MIPEP: variants seen among roughly 807,000 people sequenced by gnomAD.
MIPEP encodes the protein mitochondrial intermediate peptidase.
MIPEP carries 79 observed loss-of-function variants against 90.3 expected under a neutral mutation model. The observed-to-expected ratio is 0.87, with a 90% CI of 0.73 to 1.05. The LOEUF (loss-of-function observed/expected upper bound fraction) is 1.05, where lower values mean the gene tolerates loss of function less well. Ranked by LOEUF, MIPEP falls within the 50% of genes least tolerant of loss-of-function variation. The probability of loss-of-function intolerance (pLI) is 0.00; values close to 1 mark genes in which losing one functional copy is unlikely to be tolerated. For synonymous variants in MIPEP, 334 were observed against 315.8 expected (o/e 1.06, Z -0.61); for missense variants, 940 against 905.6 (o/e 1.04, Z -0.49).
intron 16 of MIPEP, among the ~76,000 whole-genome samples, chr13:23,764,890 T>C (rs866962677): frequency 4.6e-5 from 7 of 152,374 alleles, no homozygotes; most frequent in Middle Eastern, 3.4e-3. Flanking sequence ...CATTTCTTCA[T>C]GTCCAGCTAT....
chr13:23,872,329 C>G (rs1447714511), intron 5 of MIPEP, among the ~76,000 whole-genome samples: 5 of 152,164 alleles, frequency 3.3e-5, no homozygotes, highest in African/African-American at 1.2e-4. Flanking sequence ...GGCGTGGTGG[C>G]ACATGCCTGT....
At chr13:23,831,882 A>G (rs535921774) in intron 14 of MIPEP, among the ~76,000 whole-genome samples, 2 of 152,280 alleles carry the variant, frequency 1.3e-5, no homozygotes, top group South Asian at 4.1e-4. Context: ...GGTGCTTAGC[A>G]TTTTCAATGC....
At chr13:23,815,858 GAACTGGTTATCA>G (rs1279868378) in intron 14 of MIPEP, among the ~76,000 whole-genome samples, 1 of 151,938 alleles carries the variant, frequency 6.6e-6, no homozygotes, top group African/African-American at 2.4e-5. Flanking sequence ...ACCTTAAGTA[GAACTGGTTATCA>G]AACAATGAGT....
At chr13:23,878,611 G>A (rs548622698) in intron 4 of MIPEP, among the ~76,000 whole-genome samples, 1 of 152,178 alleles carries the variant, frequency 6.6e-6, no homozygotes, top group Non-Finnish European at 1.5e-5. Context: ...AGCAGGTTAA[G>A]GACAAACCCT....
chr13:23,872,214 A>G (rs1593203448), intron 5 of MIPEP, among the ~76,000 whole-genome samples: 1 of 152,198 alleles, frequency 6.6e-6, no homozygotes, highest in African/African-American at 2.4e-5. Flanking sequence ...ATAATCCCAG[A>G]ACTTTGGGAG....
At chr13:23,847,022 T>G (rs1869577087) in intron 10 of MIPEP, among the ~76,000 whole-genome samples, 1 of 152,080 alleles carries the variant, frequency 6.6e-6, no homozygotes, top group Non-Finnish European at 1.5e-5. Context: ...CGACAACAAC[T>G]AAGTAGAAGG....
Position 23,874,848 on chromosome 13 carries a change from T to C in MIPEP, c.601A>G (p.Lys201Glu), listed in dbSNP as rs1308490184. 4 of 1,587,524 alleles carry C rather than the reference T, an allele frequency of 2.5e-6. No individual in the cohort carries two copies. In the African/African-American group the frequency reaches 5.5e-5, roughly 22 times the overall value. ...EISGIHLDKE[K>E]RKRAVDLNVK... The stretch of plus-strand genomic sequence containing the variant: ...AAAAAAACAGCAGAAAGATGTACCT[T>C]TTCTTTGTCTAGATGGATTCCACTA... The change falls in exon 5 of 19, where the codon AAG becomes GAG. Residue 201 changes from lysine to glutamate, a missense_variant and splice_region_variant. Coordinates refer to ENST00000382172, the MANE Select transcript of MIPEP (RefSeq NM_005932.4).
At chr13:23,864,511 G>GGATC (rs1870443725) in intron 7 of MIPEP, among the ~76,000 whole-genome samples, 1 of 151,966 alleles carries the variant, frequency 6.6e-6, no homozygotes, top group Non-Finnish European at 1.5e-5. Context: ...GGCAGGGGGT[G>GGATC]GATCACCTGA....
chr13:23,768,703 C>T (rs1481470028), intron 16 of MIPEP, among the ~76,000 whole-genome samples: 2 of 152,158 alleles, frequency 1.3e-5, no homozygotes, highest in East Asian at 3.9e-4. Context: ...CCACTGTACT[C>T]CAGCCTGGGT....
intron 18 of MIPEP, chr13:23,747,396 C>T (rs920494611): frequency 1.2e-5 from 4 of 346,432 alleles, no homozygotes; most frequent in Non-Finnish European, 2.3e-5. Flanking sequence ...GAATGGATAG[C>T]GGACCCCCTT....
chr13:23,798,403 A>G (rs1316359440), intron 16 of MIPEP, among the ~76,000 whole-genome samples: 2 of 152,162 alleles, frequency 1.3e-5, no homozygotes, highest in African/African-American at 2.4e-5. Context: ...ACCTTTCTCA[A>G]CTAATACACC....
chr13:23,850,140 T>G (rs974311414), intron 10 of MIPEP, among the ~76,000 whole-genome samples: 1 of 152,210 alleles, frequency 6.6e-6, no homozygotes, highest in African/African-American at 2.4e-5. Flanking sequence ...AATGGACACC[T>G]GTAAAGGACA....
intron 10 of MIPEP, among the ~76,000 whole-genome samples, chr13:23,856,103 A>G (rs912415969): frequency 6.6e-6 from 1 of 152,260 alleles, no homozygotes; most frequent in African/African-American, 2.4e-5. Flanking sequence ...AATATGGTTG[A>G]CAAGACACAT....
rs549776081 is a variant in MIPEP, at chr13:23,825,717, A to T, written c.1653+10523T>A. Among the ~76,000 whole-genome samples, 757 of 152,288 alleles carry T rather than the reference A, an allele frequency of 5.0e-3. 4 individuals are homozygous for T. The highest frequency in any genetic ancestry group is 0.017 in the African/African-American group (726 of 41,576). On this transcript the variant is annotated intron_variant, in intron 14 of 18. Coordinates refer to ENST00000382172, the MANE Select transcript of MIPEP (RefSeq NM_005932.4). The stretch of plus-strand genomic sequence containing the variant: ...AACTAATAGATCTATTGCCCCCCTC[A>T]TTATTATTGTGTGATCTTTGGAAAA...
chr13:23,857,206 AGTTCTGCAACCAGAAAACAATTT>A (rs1441333966), intron 10 of MIPEP, among the ~76,000 whole-genome samples: 4 of 152,210 alleles, frequency 2.6e-5, no homozygotes, highest in African/African-American at 9.6e-5. Flanking sequence ...CAGGGTTTCA[AGTTCTGCAACCAGAAAACAATTT>A]TGTAAAACAA....
At chr13:23,757,669 C>T (rs1392901368) in intron 17 of MIPEP, among the ~76,000 whole-genome samples, 1 of 152,072 alleles carries the variant, frequency 6.6e-6, no homozygotes, top group East Asian at 1.9e-4. Flanking sequence ...CTGGAGTGTG[C>T]GGGTGATAAA....
In MIPEP at chr13:23,780,620, T is replaced by C. The variant is rs567630316; in HGVS notation, c.1849-20403A>G. ...CTGGATGGAGAATGACTTTGATGAG[T>C]TGAGAGAAGAAGGCTTCAGATGATC... On this transcript the variant is annotated intron_variant, in intron 16 of 18. Transcript: ENST00000382172. Among the ~76,000 whole-genome samples, 288 of 152,186 alleles carry C rather than the reference T, an allele frequency of 1.9e-3. 3 individuals carry two copies. The highest frequency in any genetic ancestry group is 6.8e-3 in the African/African-American group (283 of 41,538).
intron 14 of MIPEP, among the ~76,000 whole-genome samples, chr13:23,834,805 TC>T (rs1283060361): frequency 6.6e-6 from 1 of 152,038 alleles, no homozygotes; most frequent in African/African-American, 2.4e-5. Flanking sequence ...TACTAATCAT[TC>T]CCAGTTCCCA....
intron 14 of MIPEP, among the ~76,000 whole-genome samples, chr13:23,811,410 T>C (rs1953169418): frequency 6.6e-6 from 1 of 152,158 alleles, no homozygotes. Context: ...CCAAGATAAC[T>C]ATAAGAAAAA....
Sources: gnomAD v4.1 joint callset for allele counts (sites outside exome capture counted in the v4.1 genomes callset) on GRCh38, gnomAD v4.1.1 for gene constraint, MANE v1.5 for transcripts, NCBI Gene and HGNC (gene_info 2026-07-23, HGNC 2026-07-21) for gene names.